The following RARB variants were observed in gnomAD, a reference collection of about 807,000 sequenced individuals.
RARB encodes HBV-activated protein.
In RARB, 17 loss-of-function variants were observed where a neutral mutation model predicts 51.9. The observed-to-expected ratio is 0.33, with a 90% CI of 0.22 to 0.49. The LOEUF (loss-of-function observed/expected upper bound fraction) is 0.49, where lower values mean the gene tolerates loss of function less well. Among genes scored for constraint, RARB ranks in the 20% least tolerant of loss-of-function variants. The pLI, the probability that RARB is intolerant of heterozygous loss-of-function variation, is 0.99. For synonymous variants in RARB, 215 were observed against 195.4 expected (o/e 1.10, Z -0.84); for missense variants, 369 against 550.8 (o/e 0.67, Z 3.30).
chr3:25,146,936 A>G (rs1461463543), intron 4 of RARB, among the ~76,000 whole-genome samples: 1 of 152,168 alleles, frequency 6.6e-6, no homozygotes, highest in Non-Finnish European at 1.5e-5. Flanking sequence ...GTAATGTCAG[A>G]ACTGCATGGT....
chr3:25,252,535 T>C (rs1702752011), intron 5 of RARB, among the ~76,000 whole-genome samples: 1 of 152,230 alleles, frequency 6.6e-6, no homozygotes, highest in Non-Finnish European at 1.5e-5. Context: ...TAATGTTCTG[T>C]AGTTTTCAGT....
chr3:25,327,903 A>T (rs1031374878), intron 5 of RARB, among the ~76,000 whole-genome samples: 8 of 152,238 alleles, frequency 5.3e-5, no homozygotes, highest in Admixed American at 6.5e-5. Flanking sequence ...AAGTTTAAAA[A>T]GAGAAGCAAC....
chr3:25,204,704 T>G (rs1701489255), intron 5 of RARB, among the ~76,000 whole-genome samples: 1 of 152,198 alleles, frequency 6.6e-6, no homozygotes, highest in East Asian at 1.9e-4. Flanking sequence ...AGACCCTGTT[T>G]GCCTGGGTAT....
At chr3:24,840,419 G>C (rs888112546) in intron 1 of RARB, among the ~76,000 whole-genome samples, 2 of 152,116 alleles carry the variant, frequency 1.3e-5, no homozygotes, top group Non-Finnish European at 1.5e-5. Context: ...GTGGATGGAG[G>C]GTTTTCCCCA....
intron 5 of RARB, among the ~76,000 whole-genome samples, chr3:25,204,812 G>A (rs544720623): frequency 2.4e-4 from 37 of 152,308 alleles, no homozygotes; most frequent in Admixed American, 1.4e-3. Context: ...GTACCCAGCC[G>A]TGTGACGTGT....
intron 5 of RARB, among the ~76,000 whole-genome samples, chr3:25,195,367 G>A (rs983023347): frequency 6.6e-6 from 1 of 152,000 alleles, no homozygotes. Flanking sequence ...TGGGCTAAGA[G>A]AATAGATATT....
intron 5 of RARB, among the ~76,000 whole-genome samples, chr3:25,421,332 T>A (rs1427806467): frequency 6.6e-6 from 1 of 151,062 alleles, no homozygotes; most frequent in African/African-American, 2.4e-5. Context: ...AGTATTTGAG[T>A]GGTATTGAGC....
intron 5 of RARB, among the ~76,000 whole-genome samples, chr3:25,343,918 G>A (rs1575327536): frequency 6.6e-6 from 1 of 152,178 alleles, no homozygotes; most frequent in African/African-American, 2.4e-5. Context: ...CAGAAAAAGG[G>A]AAATTGAAGC....
Position 25,308,056 on chromosome 3 carries a change from C to T in RARB, c.178+133481C>T, listed in dbSNP as rs139499927. On this transcript the variant is annotated intron_variant, in intron 5 of 11. Transcript: ENST00000383772. ...AGGATTGTGTTCCTCTGAAACTGTCCCCTAAATTATGGTGCCCATGAGTAG... is the reference window on the plus strand; with the variant it reads ...AGGATTGTGTTCCTCTGAAACTGTCTCCTAAATTATGGTGCCCATGAGTAG... 1.7e-3 allele frequency among the ~76,000 whole-genome samples: 256 copies of T among 152,162 alleles called. 2 individuals carry two copies. Among genetic ancestry groups the T allele is most frequent in the African/African-American group, 6.0e-3 (250 of 41,500 alleles).
chr3:25,148,221 A>G (rs112914696), intron 4 of RARB, among the ~76,000 whole-genome samples: 4 of 151,932 alleles, frequency 2.6e-5, no homozygotes, highest in African/African-American at 7.3e-5. Flanking sequence ...GAATGAGCCA[A>G]TCAGGGGGGC....
intron 2 of RARB, among the ~76,000 whole-genome samples, chr3:25,034,159 A>G (rs1213264447): frequency 6.6e-5 from 10 of 152,104 alleles, no homozygotes; most frequent in Admixed American, 6.6e-4. Context: ...AAAATACAAA[A>G]ATTAGCTGGA....
intron 2 of RARB, among the ~76,000 whole-genome samples, chr3:24,950,287 C>A (rs1164573342): frequency 3.3e-5 from 5 of 152,142 alleles, no homozygotes; most frequent in Non-Finnish European, 5.9e-5. Context: ...TTTCAAAATG[C>A]CCTATTTTGT....
At chr3:25,302,810 TGC>T (rs1290571139) in intron 5 of RARB, among the ~76,000 whole-genome samples, 2 of 152,222 alleles carry the variant, frequency 1.3e-5, no homozygotes, top group East Asian at 3.8e-4. Flanking sequence ...AGCTGGGCTG[TGC>T]CCCCATGGAA....
chr3:25,319,781 T>G (rs998187953), intron 5 of RARB, among the ~76,000 whole-genome samples: 3 of 152,336 alleles, frequency 2.0e-5, no homozygotes, highest in South Asian at 2.1e-4. Flanking sequence ...AAAGGAGAGA[T>G]ATTCACAGTG....
At position 25,327,531 on chromosome 3, in the gene RARB, TTTTAAG is replaced by T. The variant is rs1704761678; in HGVS notation, c.179-133658_179-133653del. Among the ~76,000 whole-genome samples, 9 of 152,322 alleles carry T rather than the reference TTTTAAG, an allele frequency of 5.9e-5. No homozygotes were observed. In the South Asian group the frequency reaches 1.9e-3, roughly 32 times the overall value. On this transcript the variant is annotated intron_variant, in intron 5 of 11. Transcript: ENST00000383772. ...CCTAGAATTCTATACCTGCCAAAAC[TTTTAAG>T]TTTGAGCATGGAATAGAGACGTCTT...
At chr3:24,941,210 TATA>T (rs1188774805) in intron 2 of RARB, among the ~76,000 whole-genome samples, 1 of 149,350 alleles carries the variant, frequency 6.7e-6, no homozygotes, top group African/African-American at 2.5e-5. Flanking sequence ...ATCAGAAAAC[TATA>T]GTGATTATTA....
chr3:25,264,125 A>T (rs1375308483), intron 5 of RARB, among the ~76,000 whole-genome samples: 1 of 151,988 alleles, frequency 6.6e-6, no homozygotes, highest in Non-Finnish European at 1.5e-5. Context: ...TTTTTTTTAA[A>T]AAAAGGTTGA....
chr3:25,039,782 A>C (rs936547126), intron 2 of RARB, among the ~76,000 whole-genome samples: 2 of 152,198 alleles, frequency 1.3e-5, no homozygotes, highest in Non-Finnish European at 2.9e-5. Context: ...AGAGCTGTCA[A>C]CTGTGGGCAT....
intron 4 of RARB, among the ~76,000 whole-genome samples, chr3:25,575,861 C>T (rs541592292): frequency 4.7e-4 from 71 of 152,306 alleles, no homozygotes; most frequent in African/African-American, 1.6e-3. Context: ...CAAACAGTAA[C>T]ACCTAGTGAG....
Sources: allele counts gnomAD v4.1 joint callset (sites outside exome capture counted in the v4.1 genomes callset), GRCh38; gene constraint gnomAD v4.1.1; transcripts MANE v1.5; gene names NCBI Gene and HGNC (gene_info 2026-07-23, HGNC 2026-07-21).